The following WT1 variants were observed in gnomAD, a reference collection of about 807,000 sequenced individuals.
WT1 encodes WT1 transcription factor, also known as Wilms tumor protein.
WT1 carries 8 observed loss-of-function variants against 60.8 expected under a neutral mutation model. The ratio of observed to expected loss-of-function variants is 0.13; its 90% confidence interval spans 0.08 to 0.24. WT1 has a LOEUF of 0.24. Among genes scored for constraint, WT1 ranks in the 10% least tolerant of loss-of-function variants. The probability of loss-of-function intolerance (pLI) is 1.00; values close to 1 mark genes in which losing one functional copy is unlikely to be tolerated. For missense variants in WT1, 568 were observed against 711.8 expected, an observed-to-expected ratio of 0.80 and a Z score of 2.30; for synonymous variants, 312 against 297.1, an observed-to-expected ratio of 1.05 and a Z score of -0.52.
Position 32,428,492 on chromosome 11 carries a change from C to T in WT1, c.784+5G>A, listed in dbSNP as rs1304832753. On this transcript the variant is annotated splice_donor_5th_base_variant and intron_variant, in intron 2 of 9. Transcript: ENST00000452863. ...GAAGGACTCCACTTGGTTCCGCTCG[C>T]TTACCCAGCGAGCCCTGCTGGCCCA... The T allele has an allele frequency of 6.2e-7, 1 of 1,614,098 alleles. No homozygotes were observed. The highest frequency in any genetic ancestry group is 1.1e-5 in the South Asian group (1 of 91,084).
chr11:32,406,713 G>A (rs572442000), intron 5 of WT1, among the ~76,000 whole-genome samples: 4 of 152,252 alleles, frequency 2.6e-5, no homozygotes, highest in South Asian at 4.1e-4. Flanking sequence ...CTTCACTTCT[G>A]GCAGTGGCCT....
In WT1 at chr11:32,434,953, G is replaced by T. The variant is rs1738380928; in HGVS notation, c.408C>A (p.Pro136=). The change falls in exon 1 of 10, where the codon CCC becomes CCA. Residue 136 remains proline (P), a synonymous_variant. Coordinates refer to ENST00000452863, the MANE Select transcript of WT1 (RefSeq NM_024426.6). The stretch of plus-strand genomic sequence containing the variant: ...TGAAGGAGTGAGGCGGCGGCGGCGG[G>T]GGTGGCGGCGGAGCCGGTGGCGGCG... The T allele has an allele frequency of 1.3e-6, 2 of 1,562,746 alleles. No individual in the cohort carries two copies. The highest frequency in any genetic ancestry group is 1.9e-5 in the Admixed American group (1 of 52,458).
rs1332593892 is a variant in WT1 at position 32,416,394 on chromosome 11, T to C, written c.1016+96A>G. On this transcript the variant is annotated intron_variant, in intron 5 of 9. Transcript: ENST00000452863. ...TCTTCCCATCCACCAAATGCTACCCTGATTACCCACGTCAGTCCTAACTCC... is the reference window on the plus strand; with the variant it reads ...TCTTCCCATCCACCAAATGCTACCCCGATTACCCACGTCAGTCCTAACTCC... 8.0e-6 allele frequency: 12 copies of C among 1,495,990 alleles called. 1 individual carries two copies. In the South Asian group the frequency reaches 1.4e-4, roughly 17 times the overall value. The allele number at this position is 1,495,990 out of a possible 1,614,324, so 92.7% of individuals were successfully genotyped here.
intron 5 of WT1, among the ~76,000 whole-genome samples, chr11:32,412,543 C>A (rs1288645412): frequency 6.6e-6 from 1 of 151,858 alleles, no homozygotes; most frequent in Admixed American, 6.6e-5. Context: ...AAAACAGAGG[C>A]CAACAGGGTA....
intron 9 of WT1, among the ~76,000 whole-genome samples, chr11:32,391,004 G>T (rs1314112692): frequency 1.3e-5 from 2 of 151,844 alleles, no homozygotes; most frequent in African/African-American, 4.8e-5. Flanking sequence ...TTTGAGACAG[G>T]GTCTTGCTCT....
chr11:32,392,134 TC>T, intron 8 of WT1, 70 bp from the exon 9 acceptor site: 1 of 1,414,056 alleles, frequency 7.1e-7, no homozygotes, highest in Non-Finnish European at 1.0e-6. Flanking sequence ...AAGGCTGACT[TC>T]CGGCAGCTGG....
chr11:32,427,143 C>G (rs1853076280), intron 3 of WT1, among the ~76,000 whole-genome samples: 1 of 152,222 alleles, frequency 6.6e-6, no homozygotes, highest in African/African-American at 2.4e-5. Context: ...GCTGCTGCTC[C>G]CCGGCCCCCG....
rs150890676 is a variant in WT1, at chr11:32,403,762, A to C, written c.1017-3718T>G. On this transcript the variant is annotated intron_variant, in intron 5 of 9. Coordinates refer to ENST00000452863, the MANE Select transcript of WT1 (RefSeq NM_024426.6). The stretch of plus-strand genomic sequence containing the variant: ...GCTAATTTTTTTGTAGTTTTAGTAG[A>C]GACGGGGTTTCAACGTGTTGCAGGA... Among the ~76,000 whole-genome samples the C allele has an allele frequency of 1.0e-2, 1,514 of 151,904 alleles. 25 individuals carry two copies. The highest frequency in any genetic ancestry group is 0.034 in the African/African-American group (1,427 of 41,472).
chr11:32,427,463 G>T (rs948244891), intron 3 of WT1, among the ~76,000 whole-genome samples: 7 of 152,204 alleles, frequency 4.6e-5, no homozygotes, highest in African/African-American at 1.4e-4. Flanking sequence ...CGTAGCAGGG[G>T]CGCTGGGAAC....
intron 1 of WT1, among the ~76,000 whole-genome samples, chr11:32,431,551 C>T (rs868779773): frequency 1.3e-5 from 2 of 151,716 alleles, no homozygotes; most frequent in South Asian, 2.1e-4. Flanking sequence ...ATTCTTGTGC[C>T]TCAGCCTCCC....
At chr11:32,409,205 A>G (rs1316672324) in intron 5 of WT1, among the ~76,000 whole-genome samples, 2 of 152,212 alleles carry the variant, frequency 1.3e-5, no homozygotes, top group Admixed American at 6.5e-5. Flanking sequence ...GACATGCTCC[A>G]TCTCTTTATT....
chr11:32,425,149 C>G lies in WT1; in HGVS notation c.887+2807G>C, dbSNP rs1002131017. 4.8e-5 allele frequency among the ~76,000 whole-genome samples: 7 copies of G among 145,438 alleles called. No homozygotes were observed. The South Asian group carries it at 1.6e-3, about 33-fold the overall frequency. On this transcript the variant is annotated intron_variant, in intron 3 of 9. Transcript: ENST00000452863. ...CCAAGATTGTGCCACTGCACTCCAG[C>G]CTGGGCGACAGAGTGAGACTGTCTC...
At chr11:32,417,435 A>T in intron 4 of WT1, 142 bp downstream of exon 4, 1 of 741,094 alleles carries the variant, frequency 1.3e-6, no homozygotes, top group Non-Finnish European at 2.3e-6. Flanking sequence ...AACTAGGGGA[A>T]GGAGGAAAGC....
chr11:32,414,349 T>C lies in WT1; in HGVS notation c.1016+2141A>G, dbSNP rs149718206. ...ATGCAGTGGCCTGATCTTGGCTCAC[T>C]GCAACCTCCGCCTCCCAAGCTCAAG... On this transcript the variant is annotated intron_variant, in intron 5 of 9. Coordinates refer to ENST00000452863, the MANE Select transcript of WT1 (RefSeq NM_024426.6). Among the ~76,000 whole-genome samples the C allele has an allele frequency of 1.7e-3, 253 of 152,340 alleles. 1 individual carries two copies. The highest frequency in any genetic ancestry group is 3.4e-3 in the Middle Eastern group (1 of 294).
At chr11:32,409,810 C>T (rs1852438216) in intron 5 of WT1, among the ~76,000 whole-genome samples, 1 of 152,124 alleles carries the variant, frequency 6.6e-6, no homozygotes, top group Non-Finnish European at 1.5e-5. Context: ...CTAAAGCCAG[C>T]CCCACCAACT....
At chr11:32,427,228 G>C (rs1402550354) in intron 3 of WT1, among the ~76,000 whole-genome samples, 1 of 152,246 alleles carries the variant, frequency 6.6e-6, no homozygotes, top group Non-Finnish European at 1.5e-5. Flanking sequence ...GCGGGCGGCC[G>C]GCCAAGTTCA....
At chr11:32,408,267 CT>C (rs1405621629) in intron 5 of WT1, among the ~76,000 whole-genome samples, 2 of 150,470 alleles carry the variant, frequency 1.3e-5, no homozygotes, top group South Asian at 2.1e-4. Flanking sequence ...AATCCCAGCA[CT>C]TTGGGAGGCT....
At chr11:32,403,178 C>T (rs1414163815) in intron 5 of WT1, among the ~76,000 whole-genome samples, 5 of 152,064 alleles carry the variant, frequency 3.3e-5, no homozygotes, top group Admixed American at 6.5e-5. Context: ...GCCAGGCCCC[C>T]GCCTATGGGG....
At chr11:32,404,664 T>C (rs1310480185) in intron 5 of WT1, among the ~76,000 whole-genome samples, 1 of 152,210 alleles carries the variant, frequency 6.6e-6, no homozygotes, top group Non-Finnish European at 1.5e-5. Flanking sequence ...TTTAAGCATT[T>C]AGTCCATCAT....
Sources: gnomAD v4.1 joint callset for allele counts (sites outside exome capture counted in the v4.1 genomes callset) on GRCh38, gnomAD v4.1.1 for gene constraint, MANE v1.5 for transcripts, NCBI Gene and HGNC (gene_info 2026-07-23, HGNC 2026-07-21) for gene names.